Variants in LARGE1 observed in about 807,000 individuals in gnomAD.
LARGE1 encodes the protein LARGE xylosyl- and glucuronyltransferase 1, also known as xylosyl- and glucuronyltransferase LARGE1.
LARGE1 carries 43 observed loss-of-function variants against 87.6 expected under a neutral mutation model. That is an observed-to-expected ratio of 0.49 (90% confidence interval 0.38 to 0.63). LARGE1 has a LOEUF of 0.63. LARGE1 is among the 30% of genes least tolerant of loss of function. LARGE1 has a pLI of 0.00. For synonymous variants in LARGE1, 434 were observed against 394.6 expected, an observed-to-expected ratio of 1.10 and a Z score of -1.18; for missense variants, 802 against 1,000.2, an observed-to-expected ratio of 0.80 and a Z score of 2.67.
chr22:33,509,566 C>A (rs563696018), intron 6 of LARGE1, among the ~76,000 whole-genome samples: 22 of 151,870 alleles, frequency 1.4e-4, no homozygotes, highest in Non-Finnish European at 2.4e-4. Flanking sequence ...TCCTCCCACC[C>A]CAGCCTCCCA....
chr22:33,107,754 G>A, the LARGE1 span, among the ~76,000 whole-genome samples: 8 of 152,104 alleles, frequency 5.3e-5, no homozygotes, highest in African/African-American at 1.9e-4. Flanking sequence ...AGTTGACCTA[G>A]CTACTAGGGA....
At chr22:33,628,610 C>T (rs2080004974) in intron 3 of LARGE1, among the ~76,000 whole-genome samples, 1 of 152,058 alleles carries the variant, frequency 6.6e-6, no homozygotes, top group South Asian at 2.1e-4. Context: ...GCCATCGCAC[C>T]CCGCCTAGAA....
intron 12 of LARGE1, 147 bp downstream of exon 12, chr22:33,304,082 G>A: frequency 1.2e-6 from 1 of 856,470 alleles, no homozygotes; most frequent in Non-Finnish European, 1.8e-6. Flanking sequence ...GCTGTGGGCA[G>A]GTCCCTTCCC....
At chr22:33,126,315 C>A in the LARGE1 span, among the ~76,000 whole-genome samples, 1 of 152,156 alleles carries the variant, frequency 6.6e-6, no homozygotes, top group African/African-American at 2.4e-5. Flanking sequence ...GACATTCAAA[C>A]CAAAGCTGGA....
chr22:33,153,592 C>T, the LARGE1 span, among the ~76,000 whole-genome samples: 6 of 152,160 alleles, frequency 3.9e-5, no homozygotes, highest in African/African-American at 1.2e-4. Flanking sequence ...CAGCATAGTA[C>T]TTACTCATGG....
At chr22:33,625,507 G>C (rs1201655972) in intron 4 of LARGE1, among the ~76,000 whole-genome samples, 4 of 152,184 alleles carry the variant, frequency 2.6e-5, no homozygotes, top group Non-Finnish European at 5.9e-5. Context: ...ACTAAGGCAG[G>C]ACTTTTTTAC....
At chr22:33,613,067 A>T (rs1416921117) in intron 4 of LARGE1, among the ~76,000 whole-genome samples, 2 of 152,182 alleles carry the variant, frequency 1.3e-5, no homozygotes, top group African/African-American at 4.8e-5. Context: ...CTTGCCTGAG[A>T]ATATACAAAT....
chr22:33,329,743 T>C (rs1937522979), intron 10 of LARGE1, among the ~76,000 whole-genome samples: 1 of 152,158 alleles, frequency 6.6e-6, no homozygotes, highest in South Asian at 2.1e-4. Flanking sequence ...TAGCAGCAAG[T>C]TTCCTGTCCA....
intron 6 of LARGE1, among the ~76,000 whole-genome samples, chr22:33,490,553 C>T (rs2069792886): frequency 6.6e-6 from 1 of 152,190 alleles, no homozygotes; most frequent in African/African-American, 2.4e-5. Context: ...CTAACTACAT[C>T]ACTCCATTCA....
intron 1 of LARGE1, among the ~76,000 whole-genome samples, chr22:33,791,969 C>T (rs144239249): frequency 1.3e-5 from 2 of 152,204 alleles, no homozygotes; most frequent in East Asian, 1.9e-4. Flanking sequence ...AACAGCCCCA[C>T]AGGGTAGGCT....
chr22:33,116,949 T>C, the LARGE1 span, among the ~76,000 whole-genome samples: 1 of 152,326 alleles, frequency 6.6e-6, no homozygotes, highest in East Asian at 1.9e-4. Flanking sequence ...AGGTCACAAC[T>C]AATCTTTGTA....
intron 4 of LARGE1, among the ~76,000 whole-genome samples, chr22:33,617,170 G>A (rs1332198876): frequency 6.6e-6 from 1 of 152,210 alleles, no homozygotes; most frequent in Admixed American, 6.5e-5. Flanking sequence ...AATTCATGGA[G>A]ACATAAGTGA....
the LARGE1 span, among the ~76,000 whole-genome samples, chr22:33,141,248 C>G: frequency 6.6e-6 from 1 of 151,474 alleles, no homozygotes; most frequent in Admixed American, 6.6e-5. Flanking sequence ...CATAATCTAT[C>G]TTCCTTATAT....
At chr22:33,741,949 C>A (rs2083900717) in intron 2 of LARGE1, among the ~76,000 whole-genome samples, 2 of 152,138 alleles carry the variant, frequency 1.3e-5, no homozygotes, top group Admixed American at 1.3e-4. Flanking sequence ...CTTCAGATAC[C>A]CCACTTTTAA....
In LARGE1 at chr22:33,452,676, G is replaced by A. The variant is rs188401175; in HGVS notation, c.788-20411C>T. Among the ~76,000 whole-genome samples, 15 of 152,278 alleles carry A rather than the reference G, an allele frequency of 9.9e-5. No homozygotes were observed. In the East Asian group the frequency reaches 1.5e-3, roughly 16 times the overall value. ...GGATTTGTCAGAACAGCATTTCAGCGCCATCAAAGGTGCTGGCAGGAGCGC... is the reference window on the plus strand; with the variant it reads ...GGATTTGTCAGAACAGCATTTCAGCACCATCAAAGGTGCTGGCAGGAGCGC... On this transcript the variant is annotated intron_variant, in intron 6 of 14. Transcript: ENST00000397394.
intron 1 of LARGE1, among the ~76,000 whole-genome samples, chr22:33,853,502 G>A (rs907661753): frequency 5.9e-5 from 9 of 152,282 alleles, no homozygotes; most frequent in African/African-American, 1.7e-4. Context: ...GATGGCCAAA[G>A]GCAGGGTTTA....
chr22:33,649,558 A>C (rs1320956535), intron 3 of LARGE1, among the ~76,000 whole-genome samples: 1 of 152,214 alleles, frequency 6.6e-6, no homozygotes, highest in Non-Finnish European at 1.5e-5. Flanking sequence ...ATTATTTCCT[A>C]AAGTTTACTG....
chr22:33,606,545 A>G (rs569858897), intron 4 of LARGE1, among the ~76,000 whole-genome samples: 14 of 152,162 alleles, frequency 9.2e-5, no homozygotes, highest in Non-Finnish European at 1.3e-4. Flanking sequence ...CACCTGTCCT[A>G]TGTTCCAGAC....
chr22:33,243,961 C>G (rs1283746070), intron 11 of LARGE1, among the ~76,000 whole-genome samples: 1 of 152,064 alleles, frequency 6.6e-6, no homozygotes, highest in African/African-American at 2.4e-5. Context: ...GGTCATTTCA[C>G]TTTGTGTGGT....
Sources: allele counts gnomAD v4.1 joint callset (sites outside exome capture counted in the v4.1 genomes callset), GRCh38; gene constraint gnomAD v4.1.1; transcripts MANE v1.5; gene names NCBI Gene and HGNC (gene_info 2026-07-23, HGNC 2026-07-21).